The following TBC1D14 variants were observed in gnomAD, a reference collection of about 807,000 sequenced individuals.
TBC1D14 encodes the protein TBC1 domain family, member 14.
TBC1D14 carries 26 observed loss-of-function variants against 79.0 expected under a neutral mutation model. That is an observed-to-expected ratio of 0.33 (90% CI 0.24 to 0.46). The LOEUF (loss-of-function observed/expected upper bound fraction) is 0.46. TBC1D14 is among the 20% of genes least tolerant of loss of function. The probability of loss-of-function intolerance (pLI) is 1.00; values close to 1 mark genes in which losing one functional copy is unlikely to be tolerated. For synonymous variants in TBC1D14, 394 were observed against 349.9 expected, an observed-to-expected ratio of 1.13 and a Z score of -1.40; for missense variants, 769 against 887.6, an observed-to-expected ratio of 0.87 and a Z score of 1.70.
At chr4:6,917,230 G>C (rs1440503010) in intron 1 of TBC1D14, among the ~76,000 whole-genome samples, 1 of 152,206 alleles carries the variant, frequency 6.6e-6, no homozygotes, top group Non-Finnish European at 1.5e-5. Flanking sequence ...TCAGTTGTTG[G>C]TAGTAATTAA....
chr4:6,975,937 A>G (rs1716678134), intron 3 of TBC1D14, among the ~76,000 whole-genome samples: 1 of 152,138 alleles, frequency 6.6e-6, no homozygotes, highest in African/African-American at 2.4e-5. Flanking sequence ...TACTAAAAAT[A>G]CAAAAATTAA....
At chr4:6,957,999 C>T (rs1356955904) in intron 2 of TBC1D14, among the ~76,000 whole-genome samples, 1 of 150,560 alleles carries the variant, frequency 6.6e-6, no homozygotes, top group African/African-American at 2.4e-5. Flanking sequence ...GATATCCTAA[C>T]CCTCTTGGCG....
intron 12 of TBC1D14, among the ~76,000 whole-genome samples, chr4:7,020,406 T>G (rs1560360198): frequency 1.3e-5 from 2 of 152,218 alleles, no homozygotes; most frequent in Non-Finnish European, 2.9e-5. Context: ...TGTTCTTACC[T>G]AGCACTGTCT....
rs1204868942 is a variant in TBC1D14 at position 6,933,319 on chromosome 4, T to C, written c.722+9208T>C. Among the ~76,000 whole-genome samples the C allele has an allele frequency of 1.5e-3, 164 of 107,558 alleles. 5 individuals are homozygous for C. Among genetic ancestry groups the C allele is most frequent in the African/African-American group, 5.4e-3 (148 of 27,522 alleles). The allele number at this position is 107,558 out of a possible 152,430, so 70.6% of individuals were successfully genotyped here. ...TCCCCTTCCCCTTCCCCTTCCCTTT[T>C]CTAGAGGCAGAGTCTCGCTTTGTCG... is the stretch of plus-strand genomic sequence containing the variant. On this transcript the variant is annotated intron_variant, in intron 2 of 13. Coordinates refer to ENST00000409757, the MANE Select transcript of TBC1D14 (RefSeq NM_020773.3).
intron 1 of TBC1D14, among the ~76,000 whole-genome samples, chr4:6,918,571 C>A (rs1185400146): frequency 6.6e-6 from 1 of 152,090 alleles, no homozygotes; most frequent in African/African-American, 2.4e-5. Flanking sequence ...ATCTTACTGC[C>A]GAGGAAGAGG....
intron 3 of TBC1D14, among the ~76,000 whole-genome samples, chr4:6,989,649 T>C (rs1386528443): frequency 1.3e-5 from 2 of 152,196 alleles, no homozygotes; most frequent in African/African-American, 4.8e-5. Context: ...GGGTTGGAGA[T>C]TGAGGATCTC....
At chr4:6,961,952 C>A (rs879283846) in intron 2 of TBC1D14, among the ~76,000 whole-genome samples, 7 of 152,196 alleles carry the variant, frequency 4.6e-5, no homozygotes, top group Admixed American at 6.5e-5. Context: ...TGAATGAATG[C>A]GGCCGAGGGC....
At chr4:6,976,825 AAC>A (rs1716751669) in intron 3 of TBC1D14, among the ~76,000 whole-genome samples, 5 of 152,196 alleles carry the variant, frequency 3.3e-5, no homozygotes, top group Admixed American at 2.6e-4. Context: ...AATGTGCTAT[AAC>A]ACGATTAGAG....
chr4:7,016,608 T>C (rs11938701), intron 12 of TBC1D14, among the ~76,000 whole-genome samples: 135,429 of 152,318 alleles, frequency 0.89, 60,462 homozygotes, highest in East Asian at 0.98. Flanking sequence ...AAAGGAAATG[T>C]GTTTTAAATT....
intron 4 of TBC1D14, among the ~76,000 whole-genome samples, chr4:6,996,090 C>A (rs1447983293): frequency 2.6e-5 from 4 of 152,184 alleles, no homozygotes; most frequent in African/African-American, 9.7e-5. Flanking sequence ...CCTGCCTCGG[C>A]CTCCCAAAGT....
chr4:7,025,621 A>G (rs577992609), intron 13 of TBC1D14, among the ~76,000 whole-genome samples: 2 of 152,390 alleles, frequency 1.3e-5, no homozygotes, highest in African/African-American at 2.4e-5. Flanking sequence ...GACAGAAAGC[A>G]AAGTGGACCC....
In TBC1D14 at chr4:6,994,286, C is replaced by G. The variant is rs1718792484; in HGVS notation, c.946C>G (p.Leu316Val). 6.2e-7 allele frequency: 1 copy of G among 1,613,990 alleles called. No individual in the cohort carries two copies. The highest frequency in any genetic ancestry group is 1.7e-5 in the Admixed American group (1 of 59,998). ...ACCACTTTCCACCACCGCACTCATC[C>G]TCGAGGACAGACCAGCGTGAGTTTA... Reference protein sequence around the residue: ...FEPLSTTALILEDRPANLPAK... With the variant: ...FEPLSTTALIVEDRPANLPAK... Residue 316 changes from leucine to valine, a missense_variant, in exon 4 of 14, where the codon CTC becomes GTC. This residue lies in a region of TBC1D14 where 367 missense variants were observed against 494.4 expected (regional missense o/e 0.74). Coordinates refer to ENST00000409757, the MANE Select transcript of TBC1D14 (RefSeq NM_020773.3).
intron 2 of TBC1D14, among the ~76,000 whole-genome samples, chr4:6,924,374 G>T (rs1724114776): frequency 6.6e-6 from 1 of 152,182 alleles, no homozygotes; most frequent in African/African-American, 2.4e-5. Context: ...TGTCCCACAG[G>T]TGGCCAGTGT....
At chr4:6,949,767 T>G (rs144453698) in intron 2 of TBC1D14, among the ~76,000 whole-genome samples, 201 of 152,210 alleles carry the variant, frequency 1.3e-3, no homozygotes, top group African/African-American at 4.2e-3. Flanking sequence ...TTTTGTTTTT[T>G]TTTTTAATGT....
chr4:7,001,095 A>G lies in TBC1D14; in HGVS notation c.1164-50A>G, dbSNP rs764588685. The G allele has an allele frequency of 4.6e-5, 72 of 1,549,192 alleles. 1 individual carries two copies. The highest frequency in any genetic ancestry group is 1.2e-4 in the Admixed American group (7 of 58,982). On this transcript the variant is annotated intron_variant, in intron 6 of 13. Transcript: ENST00000409757. ...TCGGGGCTAGGCACGCAGGTAGACA[A>G]ATGTCTTTGTGTGGAACAAACTCAA...
At chr4:6,928,873 G>A (rs1724492546) in intron 2 of TBC1D14, among the ~76,000 whole-genome samples, 1 of 152,162 alleles carries the variant, frequency 6.6e-6, no homozygotes, top group African/African-American at 2.4e-5. Context: ...TACATACATG[G>A]GACGCACTGG....
intron 7 of TBC1D14, chr4:7,001,610 C>T (rs4327487): frequency 0.023 from 4,719 of 207,768 alleles, 233 homozygotes; most frequent in African/African-American, 0.1. Context: ...GTTTATTGTA[C>T]TGGGGTGTCT....
At chr4:6,958,180 A>G (rs1346783236) in intron 2 of TBC1D14, among the ~76,000 whole-genome samples, 1 of 152,012 alleles carries the variant, frequency 6.6e-6, no homozygotes, top group Non-Finnish European at 1.5e-5. Context: ...GAGTCAAGTC[A>G]CTGTCCAGAT....
intron 1 of TBC1D14, among the ~76,000 whole-genome samples, chr4:6,920,320 G>C (rs1434216508): frequency 2.0e-5 from 3 of 151,936 alleles, no homozygotes; most frequent in Non-Finnish European, 4.4e-5. Context: ...TGCCCAGGCT[G>C]GAGTGCAGTG....
Sources: allele counts gnomAD v4.1 joint callset (sites outside exome capture counted in the v4.1 genomes callset), GRCh38; gene constraint gnomAD v4.1.1; regional missense constraint gnomAD v4.1.1; transcripts MANE v1.5; gene names NCBI Gene and HGNC (gene_info 2026-07-23, HGNC 2026-07-21).